Variants in NLGN1 observed in about 807,000 individuals in gnomAD.
NLGN1 encodes neuroligin-1.
Under a neutral mutation model 65.5 loss-of-function variants are expected in NLGN1, and 12 were observed. That is an observed-to-expected ratio of 0.18 (90% CI 0.12 to 0.30). NLGN1 has a LOEUF of 0.30. Ranked by LOEUF, NLGN1 falls within the 10% of genes least tolerant of loss-of-function variation. NLGN1 has a pLI of 1.00. For synonymous variants in NLGN1, 350 were observed against 359.5 expected, an observed-to-expected ratio of 0.97 and a Z score of 0.30; for missense variants, 750 against 1,007.1, an observed-to-expected ratio of 0.74 and a Z score of 3.46.
chr3:173,765,238 C>A (rs1301187331), intron 3 of NLGN1, among the ~76,000 whole-genome samples: 1 of 152,042 alleles, frequency 6.6e-6, no homozygotes, highest in East Asian at 1.9e-4. Flanking sequence ...AAAACTTTAA[C>A]TCACTGAAGA....
intron 4 of NLGN1, among the ~76,000 whole-genome samples, chr3:174,066,829 G>C (rs774259549): frequency 1.3e-5 from 2 of 151,970 alleles, no homozygotes; most frequent in African/African-American, 4.8e-5. Context: ...CAAAGGGTTG[G>C]AACCTACAGT....
intron 4 of NLGN1, among the ~76,000 whole-genome samples, chr3:174,094,746 T>TAAAAAAAAA (rs5854552): frequency 1.1e-5 from 1 of 88,908 alleles, no homozygotes; most frequent in Non-Finnish European, 2.1e-5. Flanking sequence ...TTGGCTCCGC[T>TAAAAAAAAA]AAAAAAAAAA....
chr3:173,939,863 C>G (rs1745700169), intron 4 of NLGN1, among the ~76,000 whole-genome samples: 1 of 151,770 alleles, frequency 6.6e-6, no homozygotes, highest in South Asian at 2.1e-4. Context: ...TTTTTGTTAT[C>G]CAAAAGAAGT....
chr3:173,450,027 C>G (rs187200537), intron 2 of NLGN1, among the ~76,000 whole-genome samples: 4 of 152,206 alleles, frequency 2.6e-5, no homozygotes, highest in Admixed American at 2.6e-4. Flanking sequence ...ATTTGCCAGT[C>G]TGTGCCTTTT....
At chr3:173,800,378 G>A in intron 3 of NLGN1, 1 of 965,278 alleles carries the variant, frequency 1.0e-6, no homozygotes, top group Non-Finnish European at 1.4e-6. Context: ...AAATCTATTT[G>A]CATGACAAGG....
At chr3:173,436,404 G>C (rs1379087711) in intron 2 of NLGN1, among the ~76,000 whole-genome samples, 1 of 152,118 alleles carries the variant, frequency 6.6e-6, no homozygotes, top group Non-Finnish European at 1.5e-5. Context: ...ACACACATGA[G>C]TTCTGGAACA....
intron 4 of NLGN1, among the ~76,000 whole-genome samples, chr3:174,076,144 C>T (rs1740856797): frequency 6.6e-6 from 1 of 151,892 alleles, no homozygotes; most frequent in South Asian, 2.1e-4. Flanking sequence ...GATGTTTTGT[C>T]ATTTTAAAAA....
chr3:174,014,964 G>A (rs1399039646), intron 4 of NLGN1, among the ~76,000 whole-genome samples: 4 of 152,126 alleles, frequency 2.6e-5, no homozygotes, highest in African/African-American at 4.8e-5. Context: ...GCCATGAGCA[G>A]TAGGGGCAGG....
At position 174,280,914 on chromosome 3, in the gene NLGN1, G is replaced by A. The variant is rs1751421315; in HGVS notation, c.2083G>A (p.Ala695Thr). 1 of 1,613,322 alleles carries A rather than the reference G, an allele frequency of 6.2e-7. No homozygotes were observed. Among genetic ancestry groups the A allele is most frequent in the Non-Finnish European group, 8.5e-7 (1 of 1,179,580 alleles). ...GCTGTTTCTGAACATCTTGGCCTTT[G>A]CAGCCCTGTACTACAAAAAGGATAA... is the stretch of plus-strand genomic sequence containing the variant. The change falls in exon 7 of 7, where the codon GCA becomes ACA. Residue 695 changes from alanine (A) to threonine (T), a missense_variant. Coordinates refer to ENST00000457714, the Ensembl canonical transcript of NLGN1. The surrounding 1 kb of genome is among the most constrained non-coding windows in gnomAD (Gnocchi z 4.9).
rs1335485311 is a variant in NLGN1, at chr3:174,146,155, C to CCTT, written c.647-129160_647-129159insCTT. Among the ~76,000 whole-genome samples the CCTT allele has an allele frequency of 2.9e-5, 4 of 137,382 alleles. No homozygotes were observed. In the South Asian group the frequency reaches 9.4e-4, roughly 32 times the overall value. The allele number at this position is 137,382 out of a possible 152,430, so 90.1% of individuals were successfully genotyped here. A position where few individuals can be genotyped will look rare whatever the true frequency, so the allele number is the denominator to read the frequency against. On this transcript the variant is annotated intron_variant, in intron 4 of 6. Transcript: ENST00000457714. ...TTCCTTCCTTCCTTCCTTCCTTCCT[C>CCTT]TCTCCCTCCCTCCCTTCCTCTTTCT...
chr3:173,706,323 G>T (rs1768034945), intron 3 of NLGN1, among the ~76,000 whole-genome samples: 1 of 152,216 alleles, frequency 6.6e-6, no homozygotes, highest in African/African-American at 2.4e-5. Flanking sequence ...TTTAGAAATA[G>T]ATGTAATTTT....
Position 173,551,758 on chromosome 3 carries a change from T to A in NLGN1, c.-320-52521T>A, listed in dbSNP as rs1740900004. ...ATATTCCAGGTTACCCATTTACTAC[T>A]CATGTGACCCCCACACAAGCTACTT... On this transcript the variant is annotated intron_variant, in intron 2 of 6. Transcript: ENST00000457714. Among the ~76,000 whole-genome samples the A allele has an allele frequency of 2.0e-5, 3 of 152,162 alleles. No homozygotes were observed. The South Asian group carries it at 6.2e-4, about 31-fold the overall frequency.
chr3:173,622,205 T>C (rs559737549), intron 3 of NLGN1, among the ~76,000 whole-genome samples: 3 of 152,198 alleles, frequency 2.0e-5, no homozygotes, highest in African/African-American at 7.2e-5. Context: ...CAATCCAAGA[T>C]TGAGGAATGT....
chr3:173,535,256 G>A (rs80018408), intron 2 of NLGN1, among the ~76,000 whole-genome samples: 9,318 of 152,240 alleles, frequency 0.061, 378 homozygotes, highest in Middle Eastern at 0.18. Flanking sequence ...GAAAGACAAT[G>A]AGCTATGAAA....
chr3:174,278,801 A>G (rs935704726), intron 5 of NLGN1, 60 bp from the exon 6 acceptor site: 1 of 1,279,802 alleles, frequency 7.8e-7, no homozygotes, highest in African/African-American at 1.5e-5. Context: ...ATCAGATGTT[A>G]TTGTTTTACC....
chr3:173,728,731 G>A (rs1298932951), intron 3 of NLGN1, among the ~76,000 whole-genome samples: 1 of 152,044 alleles, frequency 6.6e-6, no homozygotes, highest in Non-Finnish European at 1.5e-5. Flanking sequence ...ACATTTAAAT[G>A]AGGCAGCTAT....
intron 4 of NLGN1, among the ~76,000 whole-genome samples, chr3:174,140,661 T>G (rs1334836267): frequency 6.6e-6 from 1 of 152,168 alleles, no homozygotes; most frequent in Non-Finnish European, 1.5e-5. Context: ...ATATGTCATC[T>G]TCCACCTTCT....
intron 2 of NLGN1, among the ~76,000 whole-genome samples, chr3:173,476,535 G>C (rs904145553): frequency 3.9e-5 from 6 of 152,182 alleles, no homozygotes; most frequent in Admixed American, 6.5e-5. Flanking sequence ...AAGGTCTGGA[G>C]TCATAGAAGA....
At chr3:173,580,512 G>A (rs1282119468) in intron 2 of NLGN1, among the ~76,000 whole-genome samples, 1 of 151,700 alleles carries the variant, frequency 6.6e-6, no homozygotes, top group Non-Finnish European at 1.5e-5. Flanking sequence ...TCTTCATATA[G>A]CAACTAGTTT....
Sources: allele counts gnomAD v4.1 joint callset (sites outside exome capture counted in the v4.1 genomes callset), GRCh38; gene constraint gnomAD v4.1.1; non-coding constraint Gnocchi (gnomAD v3.1); transcripts MANE v1.5; gene names NCBI Gene and HGNC (gene_info 2026-07-23, HGNC 2026-07-21).